NINJ1: variants seen among roughly 807,000 people sequenced by gnomAD.
The protein encoded by NINJ1 is ninjurin 1.
NINJ1 carries 6 observed loss-of-function variants against 12.7 expected under a neutral mutation model. That is an observed-to-expected ratio of 0.47 (90% CI 0.26 to 0.93). The LOEUF is 0.93. Among genes scored for constraint, NINJ1 ranks in the 40% least tolerant of loss-of-function variants. The pLI is 0.15. For synonymous variants in NINJ1, 100 were observed against 96.0 expected, an observed-to-expected ratio of 1.04 and a Z score of -0.25; for missense variants, 170 against 213.0, an observed-to-expected ratio of 0.80 and a Z score of 1.26.
At chr9:93,131,243 G>C (rs944670015) in intron 1 of NINJ1, among the ~76,000 whole-genome samples, 2 of 152,258 alleles carry the variant, frequency 1.3e-5, no homozygotes, top group Non-Finnish European at 1.5e-5. Flanking sequence ...AAGACAGCAG[G>C]AAGTGCTGGA....
chr9:93,133,112 G>A (rs977385740), intron 1 of NINJ1, among the ~76,000 whole-genome samples: 1 of 152,256 alleles, frequency 6.6e-6, no homozygotes, highest in Middle Eastern at 3.4e-3. Flanking sequence ...CCCGCACACC[G>A]GTCAAGTCCT....
At chr9:93,126,096 C>A in intron 2 of NINJ1, 1 of 353,376 alleles carries the variant, frequency 2.8e-6, no homozygotes, top group Non-Finnish European at 5.2e-6. Context: ...ACTTTGGGGG[C>A]TGAGGTGGGA....
At chr9:93,125,791 C>T (rs1242503382) in intron 2 of NINJ1, 1 of 153,460 alleles carries the variant, frequency 6.5e-6, no homozygotes, top group Non-Finnish European at 1.5e-5. Flanking sequence ...TGGCATATAG[C>T]TGTGGTCCAG....
At chr9:93,131,821 G>A (rs1827898026) in intron 1 of NINJ1, among the ~76,000 whole-genome samples, 1 of 152,250 alleles carries the variant, frequency 6.6e-6, no homozygotes, top group Non-Finnish European at 1.5e-5. Context: ...AGCCCACCCA[G>A]GTTGGAGTTC....
intron 1 of NINJ1, among the ~76,000 whole-genome samples, chr9:93,128,739 A>T (rs1416708977): frequency 6.6e-6 from 1 of 152,222 alleles, no homozygotes; most frequent in Admixed American, 6.5e-5. Context: ...GGCCAAGTGC[A>T]GACCCCGTGA....
At position 93,126,475 on chromosome 9, in the gene NINJ1, A is replaced by AGG. The variant is rs1298650253; in HGVS notation, c.237_238dup (p.Leu80ProfsTer53). ...AAGGGAGATGGAGATGAGGACCACC[A>AGG]GGGGCACATAGAAGGCGAAGCTGGG... On this transcript the variant is annotated frameshift_variant, in exon 2 of 4. Coordinates refer to ENST00000375446, the MANE Select transcript of NINJ1 (RefSeq NM_004148.4). LOFTEE classifies it high-confidence loss of function. The AGG allele has an allele frequency of 6.2e-7, 1 of 1,614,174 alleles. No homozygotes were observed. The highest frequency in any genetic ancestry group is 1.7e-5 in the Admixed American group (1 of 60,020).
At chr9:93,125,107 G>A (rs753306779) in intron 2 of NINJ1, 45 bp from the exon 3 acceptor site, 9 of 1,570,272 alleles carry the variant, frequency 5.7e-6, no homozygotes, top group Non-Finnish European at 6.9e-6. Flanking sequence ...CAGCCCAGAC[G>A]CAGCGCCCCA....
At chr9:93,128,146 G>A (rs957230552) in intron 1 of NINJ1, among the ~76,000 whole-genome samples, 9 of 152,244 alleles carry the variant, frequency 5.9e-5, no homozygotes, top group Non-Finnish European at 8.8e-5. Context: ...ACACATGTGC[G>A]CACAGGGACA....
chr9:93,130,099 A>G (rs1394591094), intron 1 of NINJ1, among the ~76,000 whole-genome samples: 2 of 152,030 alleles, frequency 1.3e-5, no homozygotes, highest in Admixed American at 1.3e-4. Context: ...GGGAATAAAC[A>G]CCCTGGTTAA....
At chr9:93,130,297 G>A (rs1021018095) in intron 1 of NINJ1, among the ~76,000 whole-genome samples, 5 of 152,162 alleles carry the variant, frequency 3.3e-5, no homozygotes, top group African/African-American at 9.7e-5. Context: ...TGGGCCACAC[G>A]GTCGGTCCTA....
Position 93,124,881 on chromosome 9 carries a change from C to T in NINJ1, c.*9+18G>A, listed in dbSNP as rs753593126. ...CAACCCCAGGACTGCAGGCCTCGCG[C>T]CCCATCTCCCAGCTCACCTGGGTGT... On this transcript the variant is annotated intron_variant, in intron 3 of 3. Transcript: ENST00000375446. 1.9e-6 allele frequency: 3 copies of T among 1,590,294 alleles called. No homozygotes were observed. The African/African-American group carries it at 4.0e-5, about 21-fold the overall frequency.
rs529660290 is a variant in NINJ1 at position 93,134,225 on chromosome 9, C to T, written c.-8G>A. Reference sequence around the variant, plus strand: ...CTCGGTTCCCGAGTCCATGGTGCGGCCGCCCAGGCCGCCAGGATCCGGGCC... The same window carrying T: ...CTCGGTTCCCGAGTCCATGGTGCGGTCGCCCAGGCCGCCAGGATCCGGGCC... On this transcript the variant is annotated 5_prime_UTR_variant, in exon 1 of 4. Transcript: ENST00000375446. The T allele has an allele frequency of 2.6e-5, 38 of 1,472,892 alleles. No homozygotes were observed. In the African/African-American group the frequency reaches 5.2e-4, roughly 20 times the overall value. The allele number at this position is 1,472,892 out of a possible 1,614,324, so 91.2% of individuals were successfully genotyped here. A position where few individuals can be genotyped will look rare whatever the true frequency, so the allele number is the denominator to read the frequency against.
intron 1 of NINJ1, among the ~76,000 whole-genome samples, chr9:93,131,039 G>T (rs1015234812): frequency 6.6e-5 from 10 of 152,356 alleles, no homozygotes; most frequent in Non-Finnish European, 1.2e-4. Context: ...GCTAGGACCT[G>T]CCTGGGGCTT....
At position 93,126,596 on chromosome 9, in the gene NINJ1, G is replaced by A. The variant is rs1326466122; in HGVS notation, c.118C>T (p.His40Tyr). 1.9e-6 allele frequency: 3 copies of A among 1,612,618 alleles called. No homozygotes were observed. Among genetic ancestry groups the A allele is most frequent in the East Asian group, 2.2e-5 (1 of 44,796 alleles). The change falls in exon 2 of 4, where the codon CAT (histidine) becomes TAT (tyrosine). Residue 40 changes from histidine (H) to tyrosine (Y), a missense_variant. By Grantham distance (83) the His-to-Tyr change is moderately conservative (BLOSUM62 2). Transcript: ENST00000375446. ...GWRHGPINVN[H>Y]YASKKSAAES... is the part of the protein sequence containing the mutation. The stretch of plus-strand genomic sequence containing the variant: ...GCTGCGCTCTTCTTGCTGGCGTAAT[G>A]GTTCACGTTGATGGGCCCGTGCCTC...
chr9:93,132,837 G>A (rs956599607), intron 1 of NINJ1, among the ~76,000 whole-genome samples: 7 of 152,224 alleles, frequency 4.6e-5, no homozygotes, highest in African/African-American at 1.7e-4. Context: ...CTGAGTGGAG[G>A]GCATTGCCCG....
intron 3 of NINJ1, among the ~76,000 whole-genome samples, chr9:93,124,482 C>G (rs1244407991): frequency 6.6e-6 from 1 of 152,106 alleles, no homozygotes; most frequent in Non-Finnish European, 1.5e-5. Context: ...ACCCTGTTGG[C>G]GAGGCTGGTC....
Position 93,124,976 on chromosome 9 carries a change from C to T in NINJ1, c.391G>A (p.Val131Ile). The part of the protein sequence containing the change: ...LATGLVFIIV[V>I]VNIFITAFGV... Reference sequence around the variant, plus strand: ...AAGGCCGTGATGAAGATGTTGACTACCACGATGATGAACACCAGGCCCGTG... The same window carrying T: ...AAGGCCGTGATGAAGATGTTGACTATCACGATGATGAACACCAGGCCCGTG... Residue 131 changes from valine (V) to isoleucine (I), a missense_variant, in exon 3 of 4, where the codon GTA becomes ATA. Val to Ile is a conservative substitution (Grantham distance 29). Coordinates refer to ENST00000375446, the MANE Select transcript of NINJ1 (RefSeq NM_004148.4). The T allele has an allele frequency of 5.6e-6, 9 of 1,614,142 alleles. No individual in the cohort carries two copies. Among genetic ancestry groups the T allele is most frequent in the South Asian group, 1.1e-5 (1 of 91,082 alleles).
Position 93,134,176 on chromosome 9 carries a change from C to T in NINJ1, c.42G>A (p.Leu14=). ...CCGGGGAGCCGGGTGTGCCCGGAGG[C>T]AGGCCGCCGTTGAGCTCGTACTCCT... ...GTEEYELNGG[L]PPGTPGSPDA... Residue 14 remains leucine, a synonymous_variant, in exon 1 of 4, where the codon CTG becomes CTA. Coordinates refer to ENST00000375446, the MANE Select transcript of NINJ1 (RefSeq NM_004148.4). The T allele has an allele frequency of 6.4e-7, 1 of 1,552,922 alleles. No homozygotes were observed.
rs3750555 is a variant in NINJ1 at position 93,122,219 on chromosome 9, A to G, written c.*21T>C. ...GGGCAGCTGAGTTGCAGGGCAGGCA[A>G]CATCCAGGGTCCTGGAAAGGAGACA... is the stretch of plus-strand genomic sequence containing the variant. On this transcript the variant is annotated 3_prime_UTR_variant, in exon 4 of 4. Coordinates refer to ENST00000375446, the MANE Select transcript of NINJ1 (RefSeq NM_004148.4). The G allele has an allele frequency of 0.96, 147,679 of 153,114 alleles. 71,281 individuals carry two copies. Among genetic ancestry groups the G allele is most frequent in the African/African-American group, 0.99 (41,197 of 41,534 alleles). 9.5% of individuals were successfully genotyped at this position (153,114 alleles called of 1,614,324 possible).
Sources: allele counts gnomAD v4.1 joint callset (sites outside exome capture counted in the v4.1 genomes callset), GRCh38; gene constraint gnomAD v4.1.1; transcripts MANE v1.5; gene names NCBI Gene and HGNC (gene_info 2026-07-23, HGNC 2026-07-21).